CSE1L: variants seen among roughly 807,000 people sequenced by gnomAD.
The protein encoded by CSE1L is exportin-2.
In CSE1L, 24 loss-of-function variants were observed where a neutral mutation model predicts 120.4. The observed-to-expected ratio is 0.20, with a 90% CI of 0.14 to 0.28. The LOEUF is 0.28. CSE1L is among the 10% of genes least tolerant of loss of function. The probability of loss-of-function intolerance (pLI) is 1.00; values close to 1 mark genes in which losing one functional copy is unlikely to be tolerated. For synonymous variants in CSE1L, 402 were observed against 398.3 expected (o/e 1.01, Z -0.11); for missense variants, 830 against 1,145.2 (o/e 0.72, Z 3.97).
At chr20:49,053,347 C>CTTTTTT (rs11419181) in intron 1 of CSE1L, among the ~76,000 whole-genome samples, 9 of 63,778 alleles carry the variant, frequency 1.4e-4, no homozygotes, top group Admixed American at 9.4e-4. Context: ...AGCAAACTAA[C>CTTTTTT]TTTTTTTTTT....
chr20:49,058,460 A>C lies in CSE1L; in HGVS notation c.-4A>C. 6.2e-7 allele frequency: 1 copy of C among 1,608,674 alleles called. No individual in the cohort carries two copies. Among genetic ancestry groups the C allele is most frequent in the Non-Finnish European group, 8.5e-7 (1 of 1,176,046 alleles). ...CCTTATTTTATATTTTAGATCCTAT[A>C]GCAATGGAACTCAGCGATGCAAATC... On this transcript the variant is annotated 5_prime_UTR_variant, in exon 2 of 25. Coordinates refer to ENST00000262982, the MANE Select transcript of CSE1L (RefSeq NM_001316.4).
chr20:49,083,400 G>T (rs1369903409), intron 14 of CSE1L, among the ~76,000 whole-genome samples: 1 of 152,120 alleles, frequency 6.6e-6, no homozygotes, highest in Non-Finnish European at 1.5e-5. Flanking sequence ...GGGACTACAG[G>T]AATTCACTAC....
intron 1 of CSE1L, among the ~76,000 whole-genome samples, chr20:49,057,452 G>A (rs2091817367): frequency 7.7e-6 from 1 of 129,670 alleles, no homozygotes; most frequent in African/African-American, 3.1e-5. Flanking sequence ...TCGTTGTGGG[G>A]CCTTTTTTTT....
chr20:49,094,433 A>G, intron 23 of CSE1L, 147 bp downstream of exon 23: 1 of 827,028 alleles, frequency 1.2e-6, no homozygotes, highest in Middle Eastern at 3.5e-4. Flanking sequence ...TGATTTCTGG[A>G]TCCTTCTGGG....
At position 49,070,185 on chromosome 20, in the gene CSE1L, A is replaced by G; in HGVS notation, c.676-20A>G. 8.7e-7 allele frequency: 1 copy of G among 1,151,858 alleles called. No individual in the cohort carries two copies. Among genetic ancestry groups the G allele is most frequent in the Non-Finnish European group, 1.3e-6 (1 of 799,016 alleles). The allele number at this position is 1,151,858 out of a possible 1,614,324, so 71.4% of individuals were successfully genotyped here. ...CTTAATATTTTAATCAAAAGTTTCA[A>G]GTCAGTGTTTATTCTGTAGGATCTC... On this transcript the variant is annotated intron_variant, in intron 7 of 24. Coordinates refer to ENST00000262982, the MANE Select transcript of CSE1L (RefSeq NM_001316.4).
intron 1 of CSE1L, among the ~76,000 whole-genome samples, chr20:49,054,591 A>G (rs927829846): frequency 5.9e-5 from 9 of 152,180 alleles, no homozygotes; most frequent in African/African-American, 2.2e-4. Context: ...TGTGTGTAAA[A>G]TCATTGTGTG....
At chr20:49,077,477 A>G (rs2091978416) in intron 13 of CSE1L, among the ~76,000 whole-genome samples, 1 of 152,038 alleles carries the variant, frequency 6.6e-6, no homozygotes, top group African/African-American at 2.4e-5. Flanking sequence ...TCTTTTATTG[A>G]ATAAAATCTC....
chr20:49,074,705 A>T, intron 10 of CSE1L, 80 bp from the exon 11 acceptor site: 2 of 1,175,046 alleles, frequency 1.7e-6, no homozygotes, highest in Non-Finnish European at 2.4e-6. Context: ...AGGCAGTTTT[A>T]CATACTCTTC....
intron 12 of CSE1L, among the ~76,000 whole-genome samples, chr20:49,076,290 T>C (rs2426115): frequency 0.61 from 92,740 of 152,042 alleles, 28,378 homozygotes; most frequent in East Asian, 0.66. Context: ...CGGGTTCAAG[T>C]GATTCTCCTG....
At chr20:49,049,377 C>T (rs143413127) in intron 1 of CSE1L, among the ~76,000 whole-genome samples, 1 of 151,894 alleles carries the variant, frequency 6.6e-6, no homozygotes, top group African/African-American at 2.4e-5. Flanking sequence ...GTAGAGATGG[C>T]ACCATGTTGC....
At position 49,089,526 on chromosome 20, in the gene CSE1L, T is replaced by C. The variant is rs748491564; in HGVS notation, c.1973-12T>C. 2 of 1,613,480 alleles carry C rather than the reference T, an allele frequency of 1.2e-6. No homozygotes were observed. Among genetic ancestry groups the C allele is most frequent in the South Asian group, 2.2e-5 (2 of 91,066 alleles). On this transcript the variant is annotated splice_polypyrimidine_tract_variant and intron_variant, in intron 18 of 24. Coordinates refer to ENST00000262982, the MANE Select transcript of CSE1L (RefSeq NM_001316.4). Reference sequence around the variant, plus strand: ...CTGAAGCTCACAGCTCTGTTTTTACTTTTATCAACAGAATTTATTCCATAC... The same window carrying C: ...CTGAAGCTCACAGCTCTGTTTTTACCTTTATCAACAGAATTTATTCCATAC...
At position 49,058,564 on chromosome 20, in the gene CSE1L, G is replaced by C; in HGVS notation, c.85+16G>C. ...CGACGTCCAGGTAAAGAAAATAAAC[G>C]TTTTTTGGTTGATTAATTCCTTCAG... On this transcript the variant is annotated intron_variant, in intron 2 of 24. Transcript: ENST00000262982. The C allele has an allele frequency of 6.2e-7, 1 of 1,602,886 alleles. No homozygotes were observed. Among genetic ancestry groups the C allele is most frequent in the Non-Finnish European group, 8.5e-7 (1 of 1,170,778 alleles).
At chr20:49,072,540 A>G (rs2091940648) in intron 9 of CSE1L, 28 bp from the exon 10 acceptor site, 1 of 1,603,066 alleles carries the variant, frequency 6.2e-7, no homozygotes, top group Admixed American at 1.7e-5. Flanking sequence ...GCTTTTAAAA[A>G]TATTCTTGTT....
At chr20:49,049,568 A>C (rs1445569872) in intron 1 of CSE1L, among the ~76,000 whole-genome samples, 1 of 152,174 alleles carries the variant, frequency 6.6e-6, no homozygotes, top group African/African-American at 2.4e-5. Context: ...CAGAGTGTCA[A>C]AGTACCTTTA....
intron 22 of CSE1L, among the ~76,000 whole-genome samples, chr20:49,092,359 CTCAGGA>C (rs2145756287): frequency 6.6e-6 from 1 of 151,908 alleles, no homozygotes; most frequent in Non-Finnish European, 1.5e-5. Context: ...GCGGATTTAG[CTCAGGA>C]GTTTGAGACC....
At chr20:49,050,148 T>C (rs2091754522) in intron 1 of CSE1L, among the ~76,000 whole-genome samples, 1 of 152,116 alleles carries the variant, frequency 6.6e-6, no homozygotes, top group Non-Finnish European at 1.5e-5. Flanking sequence ...TACCCTAGCA[T>C]CTCAACTTAA....
chr20:49,059,478 A>G (rs1157805933), intron 2 of CSE1L, among the ~76,000 whole-genome samples: 1 of 152,182 alleles, frequency 6.6e-6, no homozygotes, highest in Non-Finnish European at 1.5e-5. Flanking sequence ...GAACTAGCTA[A>G]TTTTGGGGAT....
At chr20:49,069,763 A>G (rs113682884) in intron 7 of CSE1L, among the ~76,000 whole-genome samples, 1 of 152,168 alleles carries the variant, frequency 6.6e-6, no homozygotes, top group African/African-American at 2.4e-5. Flanking sequence ...GGCATAATCT[A>G]CCCTCAGGGG....
chr20:49,090,217 T>G (rs2145753246), intron 19 of CSE1L, among the ~76,000 whole-genome samples: 1 of 152,304 alleles, frequency 6.6e-6, no homozygotes, highest in African/African-American at 2.4e-5. Context: ...GTTATTTATA[T>G]CCATGATGGA....
Sources: allele counts gnomAD v4.1 joint callset (sites outside exome capture counted in the v4.1 genomes callset), GRCh38; gene constraint gnomAD v4.1.1; transcripts MANE v1.5; gene names NCBI Gene and HGNC (gene_info 2026-07-23, HGNC 2026-07-21).